The following DPYD variants were observed in gnomAD, a reference collection of about 807,000 sequenced individuals.
The protein encoded by DPYD is dihydropyrimidine dehydrogenase [NADP(+)].
DPYD carries 109 observed loss-of-function variants against 116.2 expected under a neutral mutation model. The observed-to-expected ratio is 0.94, with a 90% CI of 0.80 to 1.10. The LOEUF (loss-of-function observed/expected upper bound fraction) is 1.10, where lower values mean the gene tolerates loss of function less well. DPYD is among the 50% of genes least tolerant of loss of function. DPYD has a pLI of 0.00. For missense variants in DPYD, 1,302 were observed against 1,254.5 expected (o/e 1.04, Z -0.57); for synonymous variants, 440 against 432.0 (o/e 1.02, Z -0.23).
At chr1:97,497,088 C>A (rs527719269) in intron 13 of DPYD, among the ~76,000 whole-genome samples, 3 of 151,832 alleles carry the variant, frequency 2.0e-5, no homozygotes, top group African/African-American at 7.2e-5. Flanking sequence ...GCTATTATAT[C>A]TAGAATGATA....
At chr1:97,550,152 T>C (rs1651212099) in intron 11 of DPYD, among the ~76,000 whole-genome samples, 1 of 152,228 alleles carries the variant, frequency 6.6e-6, no homozygotes, top group African/African-American at 2.4e-5. Context: ...GTGTCACTTT[T>C]GAAAGTTACA....
At chr1:97,292,220 T>A (rs1319438119) in intron 18 of DPYD, among the ~76,000 whole-genome samples, 1 of 152,156 alleles carries the variant, frequency 6.6e-6, no homozygotes, top group Non-Finnish European at 1.5e-5. Flanking sequence ...TGCTGTATTA[T>A]AAGCTACATT....
chr1:97,360,929 T>G (rs995882104), intron 16 of DPYD, among the ~76,000 whole-genome samples: 41 of 151,604 alleles, frequency 2.7e-4, no homozygotes, highest in Non-Finnish European at 5.0e-4. Flanking sequence ...TCAAAAGCTA[T>G]CAGAAGGCAA....
At chr1:97,177,499 AGT>A (rs1657366904) in intron 20 of DPYD, among the ~76,000 whole-genome samples, 1 of 152,092 alleles carries the variant, frequency 6.6e-6, no homozygotes, top group African/African-American at 2.4e-5. Context: ...AAGGGCAGTG[AGT>A]ACGGATGACA....
chr1:97,338,859 C>T (rs566671473), intron 16 of DPYD, among the ~76,000 whole-genome samples: 1 of 152,080 alleles, frequency 6.6e-6, no homozygotes, highest in Non-Finnish European at 1.5e-5. Flanking sequence ...AGAAAAATTG[C>T]TACCTATTTC....
chr1:97,771,494 G>A (rs370967141), intron 3 of DPYD, among the ~76,000 whole-genome samples: 3 of 152,118 alleles, frequency 2.0e-5, no homozygotes, highest in African/African-American at 4.8e-5. Flanking sequence ...TGAAGGAGAT[G>A]AAATTAACAA....
chr1:97,150,082 C>A (rs1654909730), intron 20 of DPYD, among the ~76,000 whole-genome samples: 1 of 152,044 alleles, frequency 6.6e-6, no homozygotes, highest in African/African-American at 2.4e-5. Flanking sequence ...TTTTGCACAC[C>A]TTCACAAATG....
At chr1:97,147,574 T>A (rs1570549455) in intron 20 of DPYD, among the ~76,000 whole-genome samples, 1 of 152,218 alleles carries the variant, frequency 6.6e-6, no homozygotes, top group South Asian at 2.1e-4. Context: ...AAGTCTACAG[T>A]TATAGCGCAG....
At chr1:97,435,852 T>TG (rs1228209253) in intron 14 of DPYD, among the ~76,000 whole-genome samples, 6 of 151,464 alleles carry the variant, frequency 4.0e-5, no homozygotes, top group African/African-American at 1.2e-4. Flanking sequence ...AAAAGGAAGC[T>TG]GGGGGAGAAA....
rs1665528484 is a variant in DPYD at position 97,284,421 on chromosome 1, A to C, written c.2299+20838T>G. Among the ~76,000 whole-genome samples the C allele has an allele frequency of 2.0e-5, 3 of 152,102 alleles. No individual in the cohort carries two copies. In the South Asian group the frequency reaches 6.2e-4, roughly 32 times the overall value. The stretch of plus-strand genomic sequence containing the variant: ...TTTCCAGATCATTTCAAAAGAATTA[A>C]GCTTTTTCATATTGGATACAGTTAT... On this transcript the variant is annotated intron_variant, in intron 18 of 22. Transcript: ENST00000370192.
chr1:97,896,421 C>G (rs1216396606), intron 1 of DPYD, among the ~76,000 whole-genome samples: 1 of 151,770 alleles, frequency 6.6e-6, no homozygotes, highest in Non-Finnish European at 1.5e-5. Context: ...CAAGTCTCAC[C>G]GATGATGTGC....
intron 4 of DPYD, among the ~76,000 whole-genome samples, chr1:97,732,304 G>C (rs1196332100): frequency 1.3e-5 from 2 of 151,714 alleles, no homozygotes; most frequent in African/African-American, 4.8e-5. Flanking sequence ...GTGAAACCTC[G>C]TCTTTACTAA....
intron 2 of DPYD, among the ~76,000 whole-genome samples, chr1:97,837,645 G>A (rs1481264208): frequency 2.0e-5 from 3 of 151,982 alleles, no homozygotes; most frequent in African/African-American, 7.3e-5. Flanking sequence ...GTTTGGAACC[G>A]AATAAATAAT....
At chr1:97,479,524 T>C (rs565549633) in intron 13 of DPYD, among the ~76,000 whole-genome samples, 9 of 152,242 alleles carry the variant, frequency 5.9e-5, no homozygotes, top group South Asian at 2.1e-4. Context: ...TCAAAGATCA[T>C]TGGTGTAACA....
At chr1:97,590,708 C>A (rs1557821939) in intron 10 of DPYD, among the ~76,000 whole-genome samples, 1 of 152,160 alleles carries the variant, frequency 6.6e-6, no homozygotes, top group Admixed American at 6.5e-5. Context: ...CTTTGGTAAT[C>A]AAGTTTCAGG....
In DPYD at chr1:97,643,165, AT is replaced by A. The variant is rs554712776; in HGVS notation, c.850+35929del. Among the ~76,000 whole-genome samples the A allele has an allele frequency of 6.2e-3, 950 of 152,204 alleles. 14 individuals are homozygous for A. The highest frequency in any genetic ancestry group is 0.022 in the African/African-American group (905 of 41,552). On this transcript the variant is annotated intron_variant, in intron 8 of 22. Coordinates refer to ENST00000370192, the MANE Select transcript of DPYD (RefSeq NM_000110.4). Reference sequence around the variant, plus strand: ...AACAGGTGACCTACAGAATAGGAGAATTTTTTTGTAATCTATCCATCTGACA... The same window carrying A: ...AACAGGTGACCTACAGAATAGGAGAATTTTTTGTAATCTATCCATCTGACA...
At position 97,098,672 on chromosome 1, in the gene DPYD, A is replaced by G. The variant is rs767928936; in HGVS notation, c.2623-40T>C. On this transcript the variant is annotated intron_variant, in intron 20 of 22. Transcript: ENST00000370192. Reference sequence around the variant, plus strand: ...CACAAATAAGGAAGCATGTTAGCTCAGAGAAGAGAAAAATGGGAAGATATA... The same window carrying G: ...CACAAATAAGGAAGCATGTTAGCTCGGAGAAGAGAAAAATGGGAAGATATA... The G allele has an allele frequency of 1.9e-6, 3 of 1,609,188 alleles. No homozygotes were observed. The South Asian group carries it at 3.3e-5, about 18-fold the overall frequency.
chr1:97,195,612 ATATG>A (rs1658721551), intron 19 of DPYD, among the ~76,000 whole-genome samples: 3 of 119,166 alleles, frequency 2.5e-5, no homozygotes, highest in Non-Finnish European at 3.5e-5. Context: ...GTGTGTATAT[ATATG>A]TATGTGTATA....
intron 21 of DPYD, among the ~76,000 whole-genome samples, chr1:97,094,527 C>T (rs887731191): frequency 6.6e-5 from 10 of 152,042 alleles, no homozygotes; most frequent in African/African-American, 2.2e-4. Context: ...AGATGACATC[C>T]AGGCTGAACT....
Sources: allele counts gnomAD v4.1 joint callset (sites outside exome capture counted in the v4.1 genomes callset), GRCh38; gene constraint gnomAD v4.1.1; transcripts MANE v1.5; gene names NCBI Gene and HGNC (gene_info 2026-07-23, HGNC 2026-07-21).